SLC20A2: variants seen among roughly 807,000 people sequenced by gnomAD.
SLC20A2 encodes solute carrier family 20 member 2, also known as sodium-dependent phosphate transporter 2.
In SLC20A2, 30 loss-of-function variants were observed where a neutral mutation model predicts 61.0. That is an observed-to-expected ratio of 0.49 (90% CI 0.37 to 0.67). SLC20A2 has a LOEUF of 0.67. Among genes scored for constraint, SLC20A2 ranks in the 30% least tolerant of loss-of-function variants. SLC20A2 has a pLI of 0.00. For synonymous variants in SLC20A2, 351 were observed against 353.3 expected, an observed-to-expected ratio of 0.99 and a Z score of 0.07; for missense variants, 626 against 866.4, an observed-to-expected ratio of 0.72 and a Z score of 3.48.
At chr8:42,511,500 G>A (rs890931992) in intron 1 of SLC20A2, among the ~76,000 whole-genome samples, 2 of 151,992 alleles carry the variant, frequency 1.3e-5, no homozygotes, top group South Asian at 4.2e-4. Flanking sequence ...GGTAGCGGGT[G>A]CCTGTAATCC....
rs151091322 is a variant in SLC20A2 at position 42,527,184 on chromosome 8, T to C, written c.-265+14637A>G. 4.4e-4 allele frequency among the ~76,000 whole-genome samples: 66 copies of C among 149,742 alleles called. 1 individual carries two copies. The East Asian group carries it at 0.012, about 27-fold the overall frequency. On this transcript the variant is annotated intron_variant, in intron 1 of 10. Coordinates refer to the SLC20A2 transcript ENST00000342228. ...ACTTTGGGAGGCGGAGGCGGGCAGA[T>C]CACCAGGTCAGGAGTGCGAGACCAG...
chr8:42,490,607 A>T (rs1317311802), intron 1 of SLC20A2, among the ~76,000 whole-genome samples: 1 of 152,192 alleles, frequency 6.6e-6, no homozygotes, highest in Admixed American at 6.5e-5. Flanking sequence ...AAAAACAAAA[A>T]CAAAAAAACC....
chr8:42,541,804 G>A (rs1411380439), intron 1 of SLC20A2: 2 of 150,390 alleles, frequency 1.3e-5, no homozygotes, highest in African/African-American at 4.9e-5. Context: ...GCGGGGGTAA[G>A]GGGGGTGGCC....
At chr8:42,453,832 A>G (rs766579830) in intron 5 of SLC20A2, among the ~76,000 whole-genome samples, 1 of 152,216 alleles carries the variant, frequency 6.6e-6, no homozygotes, top group Non-Finnish European at 1.5e-5. Flanking sequence ...ACAGAAGGAC[A>G]GGATGACTCA....
chr8:42,500,283 A>G (rs1810237709), intron 1 of SLC20A2, among the ~76,000 whole-genome samples: 1 of 152,242 alleles, frequency 6.6e-6, no homozygotes. Flanking sequence ...ACACTTCTAA[A>G]TAAGCAAGAT....
intron 5 of SLC20A2, among the ~76,000 whole-genome samples, chr8:42,450,784 A>G (rs982942214): frequency 2.0e-5 from 3 of 152,166 alleles, no homozygotes; most frequent in Non-Finnish European, 2.9e-5. Context: ...TCTGCCTCCC[A>G]TAAGTGCTGG....
At chr8:42,422,816 G>A (rs946432005) in intron 10 of SLC20A2, among the ~76,000 whole-genome samples, 1 of 152,022 alleles carries the variant, frequency 6.6e-6, no homozygotes, top group African/African-American at 2.4e-5. Flanking sequence ...TAGCTGTGTG[G>A]CTTATTTAAT....
chr8:42,465,704 AGT>A, intron 3 of SLC20A2, 71 bp downstream of exon 3: 1 of 1,430,242 alleles, frequency 7.0e-7, no homozygotes. Context: ...AAAAAAAAAA[AGT>A]AACTTGTAAT....
At chr8:42,530,958 G>C (rs1563553194) in intron 1 of SLC20A2, among the ~76,000 whole-genome samples, 1 of 152,164 alleles carries the variant, frequency 6.6e-6, no homozygotes. Flanking sequence ...GACCTCAAGT[G>C]ATCTGCCCGC....
At position 42,498,612 on chromosome 8, in the gene SLC20A2, GA is replaced by G. The variant is rs755266869; in HGVS notation, c.-265+2418del. On this transcript the variant is annotated intron_variant, in intron 1 of 10. Coordinates refer to ENST00000520262, the MANE Select transcript of SLC20A2 (RefSeq NM_001257180.2). ...TGACAGCAGTACCCCGTATGCCCGA[GA>G]AATCAGCCTTCCTCCTGAGGGCCAT... 5.3e-5 allele frequency among the ~76,000 whole-genome samples: 8 copies of G among 152,078 alleles called. No homozygotes were observed. In the East Asian group the frequency reaches 7.7e-4, roughly 15 times the overall value.
chr8:42,511,870 CAA>C (rs1794524948), intron 1 of SLC20A2, among the ~76,000 whole-genome samples: 2 of 151,792 alleles, frequency 1.3e-5, no homozygotes, highest in Admixed American at 1.3e-4. Flanking sequence ...AAAAAACAAA[CAA>C]AAAACCCCAC....
intron 1 of SLC20A2, among the ~76,000 whole-genome samples, chr8:42,511,084 A>G (rs751888758): frequency 3.3e-5 from 5 of 152,040 alleles, no homozygotes; most frequent in Non-Finnish European, 7.4e-5. Flanking sequence ...AGGACCCTCA[A>G]AATGACAGTG....
intron 1 of SLC20A2, among the ~76,000 whole-genome samples, chr8:42,484,373 T>C (rs1021402956): frequency 1.3e-5 from 2 of 152,244 alleles, no homozygotes; most frequent in African/African-American, 4.8e-5. Context: ...TCCTCTCATC[T>C]TCTATGGAGA....
At chr8:42,442,688 T>G in intron 6 of SLC20A2, among the ~76,000 whole-genome samples, 1 of 152,244 alleles carries the variant, frequency 6.6e-6, no homozygotes, top group South Asian at 2.1e-4. Context: ...TTTGACTTTC[T>G]ACATGAACTT....
At chr8:42,424,257 A>G (rs1803240347) in intron 10 of SLC20A2, among the ~76,000 whole-genome samples, 1 of 151,762 alleles carries the variant, frequency 6.6e-6, no homozygotes, top group Non-Finnish European at 1.5e-5. Flanking sequence ...TTGCTGAAAC[A>G]TAACATCTGA....
At chr8:42,434,611 A>G in intron 8 of SLC20A2, among the ~76,000 whole-genome samples, 1 of 152,178 alleles carries the variant, frequency 6.6e-6, no homozygotes, top group East Asian at 1.9e-4. Context: ...CCCCTGGCTC[A>G]GAGGGATGTT....
chr8:42,436,517 T>C (rs1782199121), intron 8 of SLC20A2, among the ~76,000 whole-genome samples: 1 of 152,158 alleles, frequency 6.6e-6, no homozygotes, highest in Non-Finnish European at 1.5e-5. Context: ...CTGTCAAATG[T>C]GCCCTGTGTG....
At chr8:42,468,971 C>T (rs1168366121) in intron 2 of SLC20A2, among the ~76,000 whole-genome samples, 1 of 152,148 alleles carries the variant, frequency 6.6e-6, no homozygotes, top group Non-Finnish European at 1.5e-5. Flanking sequence ...TTGTTCAGGA[C>T]GTTTCACTGG....
chr8:42,510,338 C>T (rs888561144), intron 1 of SLC20A2, among the ~76,000 whole-genome samples: 1 of 152,166 alleles, frequency 6.6e-6, no homozygotes, highest in South Asian at 2.1e-4. Flanking sequence ...GTAAACTCCA[C>T]CCATCACAAA....
Sources: allele counts gnomAD v4.1 joint callset (sites outside exome capture counted in the v4.1 genomes callset), GRCh38; gene constraint gnomAD v4.1.1; transcripts MANE v1.5; gene names NCBI Gene and HGNC (gene_info 2026-07-23, HGNC 2026-07-21).